The following SEC62 variants were observed in gnomAD, a reference collection of about 807,000 sequenced individuals.
SEC62 encodes SEC62 preprotein translocation factor.
A neutral mutation model predicts 47.5 loss-of-function variants in SEC62; 10 were observed. That is an observed-to-expected ratio of 0.21 (90% CI 0.13 to 0.36). The LOEUF is 0.36. SEC62 is among the 10% of genes least tolerant of loss of function. The pLI, the probability that SEC62 is intolerant of heterozygous loss-of-function variation, is 1.00. For synonymous variants in SEC62, 136 were observed against 150.5 expected (o/e 0.90, Z 0.71); for missense variants, 327 against 464.1 (o/e 0.70, Z 2.71).
At chr3:169,986,320 C>T (rs1056904473) in intron 6 of SEC62, among the ~76,000 whole-genome samples, 5 of 152,178 alleles carry the variant, frequency 3.3e-5, no homozygotes, top group South Asian at 2.1e-4. Context: ...CCCAGCAATT[C>T]TAGGCTGTTC....
In SEC62 at chr3:169,992,614, A is replaced by G. The variant is rs1715273573; in HGVS notation, c.751A>G (p.Ile251Val). The change falls in exon 8 of 8, where the codon ATC (isoleucine) becomes GTC (valine). Residue 251 changes from isoleucine (I) to valine (V), a missense_variant. Ile to Val is a conservative substitution (Grantham distance 29). This residue lies in a region of SEC62 where 99 missense variants were observed against 194.0 expected (regional missense o/e 0.51). Coordinates refer to ENST00000337002, the MANE Select transcript of SEC62 (RefSeq NM_003262.4). The surrounding 1 kb of genome is among the most constrained non-coding windows in gnomAD (Gnocchi z 4.0). ...LAVARCILFL[I>V]IWLITGGRHH... ...CACAGCTCGATGCATTCTATTTCTCATCATTTGGCTCATAACTGGAGGAAG... is the reference window on the plus strand; with the variant it reads ...CACAGCTCGATGCATTCTATTTCTCGTCATTTGGCTCATAACTGGAGGAAG... 1.9e-6 allele frequency: 3 copies of G among 1,612,850 alleles called. No homozygotes were observed. The highest frequency in any genetic ancestry group is 3.4e-5 in the Admixed American group (2 of 59,692).
intron 1 of SEC62, among the ~76,000 whole-genome samples, 167 bp downstream of exon 1, chr3:169,967,025 A>T (rs1448991370): frequency 2.7e-5 from 4 of 147,072 alleles, no homozygotes; most frequent in East Asian, 2.0e-4. Context: ...GAGGGGCCTG[A>T]GGGGGGGCGG....
intron 3 of SEC62, among the ~76,000 whole-genome samples, chr3:169,979,680 C>G (rs1459406308): frequency 6.6e-6 from 1 of 152,208 alleles, no homozygotes; most frequent in Admixed American, 6.5e-5. Flanking sequence ...CCTTCCTCTA[C>G]CGAATGTACT....
intron 3 of SEC62, chr3:169,978,482 T>G (rs896229165): frequency 6.6e-6 from 1 of 152,180 alleles, no homozygotes; most frequent in Admixed American, 6.6e-5. Context: ...TCCTGACACT[T>G]TGGGAGACCA....
chr3:169,978,338 C>G (rs1329738440), intron 3 of SEC62, among the ~76,000 whole-genome samples: 1 of 152,092 alleles, frequency 6.6e-6, no homozygotes, highest in African/African-American at 2.4e-5. Flanking sequence ...AGCAACTTGT[C>G]TAGTTAGAAT....
chr3:169,984,129 T>A (rs1034446896), intron 5 of SEC62, among the ~76,000 whole-genome samples: 1 of 152,194 alleles, frequency 6.6e-6, no homozygotes, highest in Non-Finnish European at 1.5e-5. Flanking sequence ...AATAGTAACA[T>A]CTATAAAGTC....
rs908916296 is a variant in SEC62 at position 169,983,546 on chromosome 3, A to G, written c.549+293A>G. On this transcript the variant is annotated intron_variant, in intron 5 of 7. Transcript: ENST00000337002. ...TAAGCTGTACAGATACGTCAGCTCC[A>G]TGGTGGATCCCAGCTCTTCTTTTCT... 53 of 181,076 alleles carry G rather than the reference A, an allele frequency of 2.9e-4. 1 individual carries two copies. The highest frequency in any genetic ancestry group is 6.2e-5 in the Admixed American group (1 of 16,242). 11.2% of individuals were successfully genotyped at this position (181,076 alleles called of 1,614,324 possible).
rs1715334463 is a variant in SEC62 at position 169,994,744 on chromosome 3, A to G, written c.*1681A>G. 6.6e-6 allele frequency: 1 copy of G among 152,158 alleles called. No homozygotes were observed. Among genetic ancestry groups the G allele is most frequent in the Admixed American group, 6.6e-5 (1 of 15,262 alleles). 9.4% of individuals were successfully genotyped at this position (152,158 alleles called of 1,614,324 possible). A position where few individuals can be genotyped will look rare whatever the true frequency, so the allele number is the denominator to read the frequency against. Reference sequence around the variant, plus strand: ...GTAACATTGATACCTATTTTGGGGTATAAACATGGTGTTTTTCAGAAATAA... The same window carrying G: ...GTAACATTGATACCTATTTTGGGGTGTAAACATGGTGTTTTTCAGAAATAA... On this transcript the variant is annotated 3_prime_UTR_variant, in exon 8 of 8. Coordinates refer to ENST00000337002, the MANE Select transcript of SEC62 (RefSeq NM_003262.4).
At chr3:169,986,814 C>T (rs1367714763) in intron 6 of SEC62, among the ~76,000 whole-genome samples, 1 of 152,120 alleles carries the variant, frequency 6.6e-6, no homozygotes, top group East Asian at 1.9e-4. Flanking sequence ...TGCAGCCCGA[C>T]TTGCTGGGGT....
At chr3:169,989,717 T>C (rs548021264) in intron 7 of SEC62, among the ~76,000 whole-genome samples, 1 of 152,150 alleles carries the variant, frequency 6.6e-6, no homozygotes, top group Non-Finnish European at 1.5e-5. Flanking sequence ...AGTTTTGCTG[T>C]TTAAAATATT....
At chr3:169,988,768 TTA>T (rs897766731) in intron 7 of SEC62, among the ~76,000 whole-genome samples, 45 of 152,192 alleles carry the variant, frequency 3.0e-4, no homozygotes, top group Non-Finnish European at 6.0e-4. Context: ...CCATACATTA[TTA>T]TATCTTAATC....
Position 169,989,411 on chromosome 3 carries a change from G to A in SEC62, c.730+1052G>A, listed in dbSNP as rs557007840. 3.4e-5 allele frequency among the ~76,000 whole-genome samples: 5 copies of A among 148,120 alleles called. No individual in the cohort carries two copies. The South Asian group carries it at 8.7e-4, about 26-fold the overall frequency. ...TCCTCTGATTTGGTAACCTCTGGCA[G>A]CAGAAAAATCCCCTGCTGGTTTTGC... is the stretch of plus-strand genomic sequence containing the variant. On this transcript the variant is annotated intron_variant, in intron 7 of 7. Coordinates refer to ENST00000337002, the MANE Select transcript of SEC62 (RefSeq NM_003262.4).
intron 1 of SEC62, among the ~76,000 whole-genome samples, chr3:169,971,105 G>C (rs1308772012): frequency 4.1e-5 from 6 of 147,592 alleles, no homozygotes; most frequent in Non-Finnish European, 8.9e-5. Context: ...AGGTCTCACT[G>C]TGGTGCCCAG....
Position 169,992,663 on chromosome 3 carries a change from A to G in SEC62, c.800A>G (p.Asn267Ser), listed in dbSNP as rs1480292182. ...AGGCACCACTTTTGGTTCTTGCCAA[A>G]TCTGACTGCTGATGTGGGCTTCATT... ...GGRHHFWFLP[N>S]LTADVGFIDS... The change falls in exon 8 of 8, where the codon AAT becomes AGT. Residue 267 changes from asparagine to serine, a missense_variant. Physicochemically the swap from Asn to Ser is conservative, Grantham distance 46. Transcript: ENST00000337002. The surrounding 1 kb of genome is among the most constrained non-coding windows in gnomAD (Gnocchi z 4.0). The G allele has an allele frequency of 6.2e-7, 1 of 1,614,076 alleles. No homozygotes were observed. The highest frequency in any genetic ancestry group is 1.3e-5 in the African/African-American group (1 of 74,932).
intron 1 of SEC62, among the ~76,000 whole-genome samples, chr3:169,967,790 T>A (rs1303124218): frequency 6.6e-6 from 1 of 152,236 alleles, no homozygotes; most frequent in Non-Finnish European, 1.5e-5. Context: ...ATTGTTACTA[T>A]AATCATAAAT....
At chr3:169,986,327 G>T (rs935055063) in intron 6 of SEC62, among the ~76,000 whole-genome samples, 1 of 152,188 alleles carries the variant, frequency 6.6e-6, no homozygotes, top group Non-Finnish European at 1.5e-5. Flanking sequence ...ATTCTAGGCT[G>T]TTCCCATACA....
intron 1 of SEC62, among the ~76,000 whole-genome samples, chr3:169,973,805 C>T (rs1305596081): frequency 6.6e-6 from 1 of 152,146 alleles, no homozygotes; most frequent in Non-Finnish European, 1.5e-5. Flanking sequence ...AAATAGCCCA[C>T]AGCTGGTAGT....
chr3:169,982,661 C>A, intron 3 of SEC62, 46 bp from the exon 4 acceptor site: 1 of 1,592,978 alleles, frequency 6.3e-7, no homozygotes, highest in Non-Finnish European at 8.6e-7. Flanking sequence ...GCTTTTCAGT[C>A]TCTATCTATA....
At chr3:169,974,223 T>C (rs1714772946) in intron 1 of SEC62, among the ~76,000 whole-genome samples, 1 of 152,242 alleles carries the variant, frequency 6.6e-6, no homozygotes, top group Non-Finnish European at 1.5e-5. Flanking sequence ...TATTCTTTAA[T>C]GAAGCAGCCC....
Sources: allele counts gnomAD v4.1 joint callset (sites outside exome capture counted in the v4.1 genomes callset), GRCh38; gene constraint gnomAD v4.1.1; regional missense constraint gnomAD v4.1.1; non-coding constraint Gnocchi (gnomAD v3.1); transcripts MANE v1.5; gene names NCBI Gene and HGNC (gene_info 2026-07-23, HGNC 2026-07-21).